Variants in POLA1 observed in about 807,000 individuals in gnomAD.
POLA1 encodes the protein DNA polymerase alpha 1, catalytic subunit, also known as DNA polymerase alpha catalytic subunit.
Under a neutral mutation model 124.0 loss-of-function variants are expected in POLA1, and 15 were observed. The ratio of observed to expected loss-of-function variants is 0.12; its 90% CI spans 0.08 to 0.19. The LOEUF is 0.19. POLA1 is among the 10% of genes least tolerant of loss of function. The pLI, the probability that POLA1 is intolerant of heterozygous loss-of-function variation, is 1.00. For synonymous variants in POLA1, 408 were observed against 389.4 expected (o/e 1.05, Z -0.56); for missense variants, 886 against 1,103.4 (o/e 0.80, Z 2.79).
At position 24,694,110 on chromosome X, in the gene POLA1, C is replaced by A. The variant is rs1231301602; in HGVS notation, c.43+106C>A. On this transcript the variant is annotated intron_variant, in intron 1 of 36. Coordinates refer to ENST00000379068, the MANE Select transcript of POLA1 (RefSeq NM_001330360.2). Reference sequence around the variant, plus strand: ...ACACCCGGGTTTGTTTGGGCGCAGACCTTGGTCGTCCCCGGCGGGGGCCCT... The same window carrying A: ...ACACCCGGGTTTGTTTGGGCGCAGAACTTGGTCGTCCCCGGCGGGGGCCCT... 3.8e-6 allele frequency: 3 copies of A among 797,512 alleles called. No individual in the cohort carries two copies. The East Asian group carries it at 1.1e-4, about 30-fold the overall frequency. 65.7% of individuals were successfully genotyped at this position (797,512 alleles called of 1,213,427 possible). A position where few individuals can be genotyped will look rare whatever the true frequency, so the allele number is the denominator to read the frequency against.
intron 20 of POLA1, among the ~76,000 whole-genome samples, chrX:24,740,434 CCTTA>C (rs1465678934): frequency 9.0e-6 from 1 of 111,506 alleles, no homozygotes; most frequent in Non-Finnish European, 1.9e-5. Flanking sequence ...ATGCCTATCC[CCTTA>C]CTTTTGCCCT....
chrX:24,757,436 C>CTTTTTTTTTTT (rs66782103), intron 26 of POLA1, among the ~76,000 whole-genome samples: 727 of 62,099 alleles, frequency 0.012, 97 homozygotes, highest in African/African-American at 0.056. Flanking sequence ...AAATCTGAAA[C>CTTTTTTTTTTT]TTTTTTTTTT....
rs1436261516 is a variant in POLA1 at position 24,748,862 on chromosome X, G to A, written c.2842-8G>A. ...TGTTGTTTGTCTTTTGTTCTGTGTG[G>A]CCTGCAGTATGACATTCGACAGAAG... On this transcript the variant is annotated splice_region_variant and splice_polypyrimidine_tract_variant and intron_variant, in intron 25 of 36. Coordinates refer to ENST00000379068, the MANE Select transcript of POLA1 (RefSeq NM_001330360.2). 1 of 1,206,490 alleles carries A rather than the reference G, an allele frequency of 8.3e-7. No individual in the cohort carries two copies. Among genetic ancestry groups the A allele is most frequent in the Non-Finnish European group, 1.1e-6 (1 of 892,161 alleles).
At chrX:24,942,737 C>CTTT in intron 36 of POLA1, among the ~76,000 whole-genome samples, 1 of 112,240 alleles carries the variant, frequency 8.9e-6, no homozygotes, top group African/African-American at 3.2e-5. Context: ...GTCACCTAGG[C>CTTT]TGGAGTTCAG....
intron 35 of POLA1, among the ~76,000 whole-genome samples, chrX:24,899,459 C>T (rs2047246612): frequency 9.0e-6 from 1 of 111,272 alleles, no homozygotes; most frequent in African/African-American, 3.3e-5. Flanking sequence ...AGGTCTTGCG[C>T]AAATGTTATG....
chrX:24,705,465 C>T (rs1928736876), intron 4 of POLA1, among the ~76,000 whole-genome samples: 1 of 111,673 alleles, frequency 9.0e-6, no homozygotes, highest in Non-Finnish European at 1.9e-5. Flanking sequence ...ACCACATACA[C>T]AGAGACTTTT....
rs748292870 is a variant in POLA1, at chrX:24,739,591, TAAC to T, written c.2216+46_2216+48del. On this transcript the variant is annotated intron_variant, in intron 20 of 36. Coordinates refer to ENST00000379068, the MANE Select transcript of POLA1 (RefSeq NM_001330360.2). ...CTTCAGAATTCATCTGTCTTGAAATTAACAACAGCAGGACACTACTAGTACTAT... is the reference window on the plus strand; with the variant it reads ...CTTCAGAATTCATCTGTCTTGAAATTAACAGCAGGACACTACTAGTACTAT... The T allele has an allele frequency of 4.4e-6, 4 of 906,261 alleles. No homozygotes were observed. The African/African-American group carries it at 5.9e-5, about 13-fold the overall frequency. The allele number at this position is 906,261 out of a possible 1,213,427, so 74.7% of individuals were successfully genotyped here. A position where few individuals can be genotyped will look rare whatever the true frequency, so the allele number is the denominator to read the frequency against.
At chrX:24,926,421 G>A (rs2047692562) in intron 35 of POLA1, among the ~76,000 whole-genome samples, 1 of 111,274 alleles carries the variant, frequency 9.0e-6, no homozygotes, top group African/African-American at 3.3e-5. Context: ...GCATCAAGCC[G>A]TACACCTAGT....
At chrX:24,919,845 G>T (rs7060895) in intron 35 of POLA1, among the ~76,000 whole-genome samples, 967 of 33,917 alleles carry the variant, frequency 0.029, no homozygotes, top group Middle Eastern at 0.037. Context: ...TTGTTTTTCT[G>T]TTTTTTTTTT....
intron 26 of POLA1, among the ~76,000 whole-genome samples, chrX:24,749,804 A>G (rs189867833): frequency 4.2e-4 from 47 of 112,516 alleles, no homozygotes; most frequent in African/African-American, 1.5e-3. Context: ...CAGATACCAA[A>G]TAGAATTTAG....
intron 26 of POLA1, among the ~76,000 whole-genome samples, chrX:24,773,904 C>T (rs748979953): frequency 4.5e-5 from 5 of 111,766 alleles, no homozygotes; most frequent in African/African-American, 6.5e-5. Context: ...GGTAGAGATA[C>T]GGTTTATTGA....
At chrX:24,716,799 C>T in intron 7 of POLA1, 85 bp from the exon 8 acceptor site, 1 of 503,769 alleles carries the variant, frequency 2.0e-6, no homozygotes, top group Non-Finnish European at 3.3e-6. Flanking sequence ...TAAAAGGGAA[C>T]TGTCATTATC....
intron 36 of POLA1, among the ~76,000 whole-genome samples, chrX:24,935,969 G>A (rs1290315876): frequency 8.9e-6 from 1 of 112,738 alleles, no homozygotes; most frequent in Non-Finnish European, 1.9e-5. Context: ...ATGTTAGTGT[G>A]TGTTATTTTG....
chrX:24,772,137 G>A (rs913783366), intron 26 of POLA1, among the ~76,000 whole-genome samples: 1 of 111,043 alleles, frequency 9.0e-6, no homozygotes, highest in African/African-American at 3.3e-5. Context: ...TAGATGTCAC[G>A]TAATTTATTT....
intron 34 of POLA1, among the ~76,000 whole-genome samples, chrX:24,845,374 T>C (rs1199359556): frequency 2.7e-5 from 3 of 112,021 alleles, no homozygotes; most frequent in African/African-American, 6.5e-5. Context: ...AAAATTGATA[T>C]GACTGTCTTG....
chrX:24,813,566 C>A (rs927653708), intron 29 of POLA1, among the ~76,000 whole-genome samples: 1 of 112,399 alleles, frequency 8.9e-6, no homozygotes, highest in African/African-American at 3.2e-5. Flanking sequence ...ATAATCCCAG[C>A]ACTTTGGGAG....
At chrX:24,910,285 G>A (rs1486656126) in intron 35 of POLA1, among the ~76,000 whole-genome samples, 3 of 107,127 alleles carry the variant, frequency 2.8e-5, no homozygotes, top group Non-Finnish European at 5.8e-5. Flanking sequence ...ATGTTGAATA[G>A]GAGTGGTGAG....
intron 34 of POLA1, among the ~76,000 whole-genome samples, chrX:24,869,139 GC>G (rs2046833091): frequency 8.9e-6 from 1 of 111,981 alleles, no homozygotes; most frequent in Admixed American, 9.4e-5. Flanking sequence ...TCACCATGTT[GC>G]CCAGGCTGGT....
At chrX:24,751,054 C>T (rs1001102171) in intron 26 of POLA1, among the ~76,000 whole-genome samples, 1 of 112,060 alleles carries the variant, frequency 8.9e-6, no homozygotes, top group African/African-American at 3.2e-5. Context: ...AGAAAATGCA[C>T]TCACTATGCC....
Sources: gnomAD v4.1 joint callset for allele counts (sites outside exome capture counted in the v4.1 genomes callset) on GRCh38, gnomAD v4.1.1 for gene constraint, MANE v1.5 for transcripts, NCBI Gene and HGNC (gene_info 2026-07-23, HGNC 2026-07-21) for gene names.